The following CDH12 variants were observed in gnomAD, a reference collection of about 807,000 sequenced individuals.
The protein encoded by CDH12 is cadherin-12.
In CDH12, 41 loss-of-function variants were observed where a neutral mutation model predicts 74.1. The ratio of observed to expected loss-of-function variants is 0.55; its 90% CI spans 0.43 to 0.72. The LOEUF (loss-of-function observed/expected upper bound fraction) is 0.72. Ranked by LOEUF, CDH12 falls within the 30% of genes least tolerant of loss-of-function variation. The pLI, the probability that CDH12 is intolerant of heterozygous loss-of-function variation, is 0.00. For missense variants in CDH12, 945 were observed against 977.2 expected, an observed-to-expected ratio of 0.97 and a Z score of 0.44; for synonymous variants, 399 against 355.0, an observed-to-expected ratio of 1.12 and a Z score of -1.39.
intron 1 of CDH12, among the ~76,000 whole-genome samples, chr5:22,630,947 A>G (rs1484812646): frequency 1.3e-5 from 2 of 152,160 alleles, no homozygotes; most frequent in Non-Finnish European, 2.9e-5. Context: ...GCAAGCAAAA[A>G]AACAAACAAT....
At chr5:22,496,938 TA>T (rs1243033343) in intron 2 of CDH12, among the ~76,000 whole-genome samples, 7 of 152,184 alleles carry the variant, frequency 4.6e-5, no homozygotes, top group Admixed American at 3.9e-4. Flanking sequence ...TCAAGTTGAG[TA>T]AAATCATTCT....
At chr5:22,387,447 C>G (rs1335778326) in intron 3 of CDH12, among the ~76,000 whole-genome samples, 1 of 152,082 alleles carries the variant, frequency 6.6e-6, no homozygotes, top group Non-Finnish European at 1.5e-5. Context: ...GTCTTTTAGA[C>G]CAAACCTGTC....
intron 1 of CDH12, among the ~76,000 whole-genome samples, chr5:22,752,497 G>GTGTTAGGT (rs1349197859): frequency 7.6e-6 from 1 of 131,416 alleles, no homozygotes; most frequent in Non-Finnish European, 1.6e-5. Context: ...CCTGCTCTTT[G>GTGTTAGGT]TGTTAGGTTC....
At chr5:22,169,619 A>G (rs1748899586) in intron 4 of CDH12, among the ~76,000 whole-genome samples, 1 of 151,978 alleles carries the variant, frequency 6.6e-6, no homozygotes. Context: ...CATGATAGAC[A>G]TTACTTTTCA....
chr5:22,243,844 CTCAGCTTCCAATATTTAAGT>C (rs1752827520), intron 3 of CDH12, among the ~76,000 whole-genome samples: 1 of 152,166 alleles, frequency 6.6e-6, no homozygotes, highest in South Asian at 2.1e-4. Flanking sequence ...GATAGTCATT[CTCAGCTTCCAATATTTAAGT>C]TCATACAAGA....
chr5:21,778,466 C>CAAAAAAAAAAAAA (rs70957061), intron 11 of CDH12, among the ~76,000 whole-genome samples: 13 of 52,608 alleles, frequency 2.5e-4, no homozygotes, highest in South Asian at 1.1e-3. Context: ...GCATATAAGC[C>CAAAAAAAAAAAAA]AAAAAAAAAA....
At chr5:22,387,659 G>A (rs568933651) in intron 3 of CDH12, among the ~76,000 whole-genome samples, 2 of 152,252 alleles carry the variant, frequency 1.3e-5, no homozygotes, top group South Asian at 4.1e-4. Context: ...CTGGATTTAA[G>A]CAGGAATTTA....
chr5:22,158,784 C>T (rs1748168926), intron 4 of CDH12, among the ~76,000 whole-genome samples: 1 of 151,990 alleles, frequency 6.6e-6, no homozygotes, highest in Non-Finnish European at 1.5e-5. Flanking sequence ...TGTTCTGATC[C>T]ACTTCAACAA....
At chr5:21,884,909 G>A (rs1242911694) in intron 6 of CDH12, among the ~76,000 whole-genome samples, 4 of 151,668 alleles carry the variant, frequency 2.6e-5, no homozygotes, top group Admixed American at 6.6e-5. Context: ...TGTTGAGATG[G>A]AGTTTCACTC....
chr5:22,435,996 T>C (rs527388769), intron 2 of CDH12, among the ~76,000 whole-genome samples: 1 of 151,788 alleles, frequency 6.6e-6, no homozygotes, highest in African/African-American at 2.4e-5. Context: ...CTACTCACAA[T>C]AGCAAAGACT....
At chr5:22,782,387 G>A (rs1747426966) in intron 1 of CDH12, among the ~76,000 whole-genome samples, 1 of 152,108 alleles carries the variant, frequency 6.6e-6, no homozygotes, top group Admixed American at 6.5e-5. Flanking sequence ...TAGTGAAAGA[G>A]TTCTCATGAG....
At chr5:22,636,024 T>A (rs1738823861) in intron 1 of CDH12, among the ~76,000 whole-genome samples, 1 of 151,978 alleles carries the variant, frequency 6.6e-6, no homozygotes, top group Non-Finnish European at 1.5e-5. Context: ...AGAAAAGGAT[T>A]ACCAAATAAT....
chr5:22,153,998 A>G lies in CDH12; in HGVS notation c.-187+58500T>C, dbSNP rs1177261755. Among the ~76,000 whole-genome samples, 7 of 148,816 alleles carry G rather than the reference A, an allele frequency of 4.7e-5. No homozygotes were observed. The East Asian group carries it at 1.4e-3, about 29-fold the overall frequency. On this transcript the variant is annotated intron_variant, in intron 4 of 14. Coordinates refer to ENST00000382254, the MANE Select transcript of CDH12 (RefSeq NM_004061.5). Reference sequence around the variant, plus strand: ...TACATGCACAGATATATATGTATATATATGTATATATGTATTACAGGCATG... The same window carrying G: ...TACATGCACAGATATATATGTATATGTATGTATATATGTATTACAGGCATG...
intron 2 of CDH12, among the ~76,000 whole-genome samples, chr5:22,422,281 A>AT (rs1380548685): frequency 2.0e-5 from 3 of 152,128 alleles, no homozygotes; most frequent in Non-Finnish European, 4.4e-5. Context: ...TAGTTTAATG[A>AT]GAGTCTTTCA....
intron 1 of CDH12, among the ~76,000 whole-genome samples, chr5:22,698,309 A>ATGG (rs1272218992): frequency 1.3e-5 from 2 of 151,254 alleles, no homozygotes; most frequent in Non-Finnish European, 2.9e-5. Context: ...TTTAGTAGAG[A>ATGG]TGGGGTTCAC....
intron 9 of CDH12, among the ~76,000 whole-genome samples, chr5:21,809,624 G>A (rs765413817): frequency 2.0e-5 from 3 of 152,036 alleles, no homozygotes; most frequent in South Asian, 2.1e-4. Flanking sequence ...TTTGCAAAAC[G>A]TTCCAAACTT....
Position 22,463,608 on chromosome 5 carries a change from G to A in CDH12, c.-428+41662C>T, listed in dbSNP as rs143874632. ...TTAAATGAGGTATAAAGTTGGGGTC[G>A]GAAATGTAGGAAGGTTGTAATACCC... On this transcript the variant is annotated intron_variant, in intron 2 of 14. Transcript: ENST00000382254. Among the ~76,000 whole-genome samples the A allele has an allele frequency of 3.4e-3, 515 of 151,866 alleles. 2 individuals are homozygous for A. Among genetic ancestry groups the A allele is most frequent in the African/African-American group, 0.012 (479 of 41,424 alleles).
intron 1 of CDH12, among the ~76,000 whole-genome samples, chr5:22,656,726 T>C (rs1238353420): frequency 2.0e-5 from 3 of 152,022 alleles, no homozygotes; most frequent in East Asian, 3.9e-4. Flanking sequence ...CAAAAAGACA[T>C]ATTAAAATGT....
intron 4 of CDH12, among the ~76,000 whole-genome samples, chr5:22,192,478 G>A (rs1026249303): frequency 2.0e-5 from 3 of 152,140 alleles, no homozygotes; most frequent in African/African-American, 7.2e-5. Flanking sequence ...GAATTAGCCA[G>A]ACAAGTTACA....
Sources: allele counts gnomAD v4.1 joint callset (sites outside exome capture counted in the v4.1 genomes callset), GRCh38; gene constraint gnomAD v4.1.1; transcripts MANE v1.5; gene names NCBI Gene and HGNC (gene_info 2026-07-23, HGNC 2026-07-21).